RALYL: variants seen among roughly 807,000 people sequenced by gnomAD.
RALYL encodes the protein RALY RNA binding protein like, also known as RNA-binding Raly-like protein.
Under a neutral mutation model 35.1 loss-of-function variants are expected in RALYL, and 29 were observed. The observed-to-expected ratio is 0.83, with a 90% confidence interval of 0.61 to 1.13. The LOEUF is 1.13. Among genes scored for constraint, RALYL ranks in the 50% most tolerant of loss-of-function variants. RALYL has a pLI of 0.00. For missense variants in RALYL, 359 were observed against 360.4 expected, an observed-to-expected ratio of 1.00 and a Z score of 0.03; for synonymous variants, 120 against 127.6, an observed-to-expected ratio of 0.94 and a Z score of 0.40.
At chr8:84,230,423 A>T (rs1825058705) in intron 1 of RALYL, among the ~76,000 whole-genome samples, 1 of 152,282 alleles carries the variant, frequency 6.6e-6, no homozygotes, top group African/African-American at 2.4e-5. Context: ...AAATAACATG[A>T]TTAAACAGAA....
intron 1 of RALYL, among the ~76,000 whole-genome samples, chr8:84,353,122 CA>C (rs1376412678): frequency 4.0e-5 from 6 of 150,238 alleles, no homozygotes; most frequent in African/African-American, 1.5e-4. Context: ...ATCATATTAA[CA>C]TATACATACA....
intron 1 of RALYL, among the ~76,000 whole-genome samples, chr8:84,468,095 C>G (rs975796309): frequency 6.6e-6 from 1 of 151,384 alleles, no homozygotes; most frequent in Non-Finnish European, 1.5e-5. Flanking sequence ...GACTCTTTAT[C>G]CAATTTGCCA....
chr8:84,201,455 G>T (rs542040882), intron 1 of RALYL, among the ~76,000 whole-genome samples: 1 of 152,120 alleles, frequency 6.6e-6, no homozygotes, highest in Non-Finnish European at 1.5e-5. Context: ...GTGAGTATGA[G>T]TATGAGTGTG....
At chr8:84,649,909 A>G (rs1828357284) in intron 2 of RALYL, among the ~76,000 whole-genome samples, 1 of 152,120 alleles carries the variant, frequency 6.6e-6, no homozygotes, top group African/African-American at 2.4e-5. Flanking sequence ...CTTCCTACCC[A>G]TGAGCATGGA....
intron 3 of RALYL, among the ~76,000 whole-genome samples, chr8:84,804,035 G>C (rs1418518148): frequency 6.6e-6 from 1 of 152,086 alleles, no homozygotes; most frequent in Admixed American, 6.6e-5. Context: ...AGAAGTGGAT[G>C]CTTTCCTGAT....
chr8:84,684,521 A>T (rs765561588), intron 2 of RALYL, among the ~76,000 whole-genome samples: 1 of 152,178 alleles, frequency 6.6e-6, no homozygotes, highest in African/African-American at 2.4e-5. Context: ...GCATTTGAAG[A>T]TGAAGAGAAA....
At chr8:84,241,821 T>C (rs1403872768) in intron 1 of RALYL, among the ~76,000 whole-genome samples, 2 of 150,966 alleles carry the variant, frequency 1.3e-5, no homozygotes, top group Non-Finnish European at 3.0e-5. Flanking sequence ...GTCTTACAAA[T>C]ATTAGTAACC....
At chr8:84,234,355 G>A (rs950670593) in intron 1 of RALYL, among the ~76,000 whole-genome samples, 1 of 152,036 alleles carries the variant, frequency 6.6e-6, no homozygotes, top group Non-Finnish European at 1.5e-5. Context: ...CTTATTCTCT[G>A]TTATAAAATG....
At chr8:84,887,923 G>T in intron 8 of RALYL, 147 bp downstream of exon 8, 1 of 685,200 alleles carries the variant, frequency 1.5e-6, no homozygotes, top group Non-Finnish European at 2.4e-6. Context: ...ATAGTGCTTT[G>T]CACATAATAA....
At chr8:84,311,487 C>T (rs1842804284) in intron 1 of RALYL, among the ~76,000 whole-genome samples, 1 of 152,026 alleles carries the variant, frequency 6.6e-6, no homozygotes, top group South Asian at 2.1e-4. Flanking sequence ...AGAGAAGACT[C>T]ATTTTTTACT....
intron 1 of RALYL, among the ~76,000 whole-genome samples, chr8:84,256,394 T>C (rs1475744864): frequency 1.3e-5 from 2 of 152,166 alleles, no homozygotes; most frequent in Non-Finnish European, 2.9e-5. Flanking sequence ...TGTGTTCTTA[T>C]ATCGAATAGC....
At chr8:84,839,480 C>T (rs1326313805) in intron 4 of RALYL, among the ~76,000 whole-genome samples, 2 of 152,234 alleles carry the variant, frequency 1.3e-5, no homozygotes. Flanking sequence ...GAAGCTCGAA[C>T]TGGGTGGAGC....
intron 4 of RALYL, among the ~76,000 whole-genome samples, chr8:84,827,076 A>C (rs1233776205): frequency 1.3e-5 from 2 of 152,166 alleles, no homozygotes; most frequent in African/African-American, 2.4e-5. Context: ...AGAAATTAAA[A>C]ACCTTATAGC....
Position 84,714,927 on chromosome 8 carries a change from G to A in RALYL, c.257-59652G>A, listed in dbSNP as rs191298394. On this transcript the variant is annotated intron_variant, in intron 2 of 8. Transcript: ENST00000521268. ...TATCTAATTACATTAGGGAATATAT[G>A]CATTGTTGCTCTTTAGGATATATAA... Among the ~76,000 whole-genome samples the A allele has an allele frequency of 2.3e-3, 348 of 151,814 alleles. 2 individuals carry two copies. Among genetic ancestry groups the A allele is most frequent in the Non-Finnish European group, 3.9e-3 (265 of 67,758 alleles).
intron 1 of RALYL, among the ~76,000 whole-genome samples, chr8:84,248,209 C>T (rs2131636854): frequency 6.6e-6 from 1 of 152,238 alleles, no homozygotes; most frequent in South Asian, 2.1e-4. Flanking sequence ...ATCAGGCCAT[C>T]ATGAGATATC....
At chr8:84,553,014 A>G (rs1005851262) in intron 2 of RALYL, among the ~76,000 whole-genome samples, 2 of 152,208 alleles carry the variant, frequency 1.3e-5, no homozygotes, top group African/African-American at 4.8e-5. Flanking sequence ...GATGAGGGAT[A>G]AAAGGAAATC....
chr8:84,389,350 T>A (rs1035080626), intron 1 of RALYL, among the ~76,000 whole-genome samples: 1 of 152,058 alleles, frequency 6.6e-6, no homozygotes, highest in African/African-American at 2.4e-5. Context: ...CCACATGAAC[T>A]TTAAAGTAGT....
In RALYL at chr8:84,682,352, C is replaced by T. The variant is rs1279253519; in HGVS notation, c.257-92227C>T. On this transcript the variant is annotated intron_variant, in intron 2 of 8. Coordinates refer to ENST00000521268, the MANE Select transcript of RALYL (RefSeq NM_173848.7). ...TTTGGTATCAGGATGATGCTGGCCT[C>T]ATAAAATGAGTTAGGGAGGATTCCT... Among the ~76,000 whole-genome samples, 16 of 152,260 alleles carry T rather than the reference C, an allele frequency of 1.1e-4. 1 individual carries two copies. In the East Asian group the frequency reaches 3.1e-3, roughly 29 times the overall value.
At chr8:84,323,972 G>A (rs76727341) in intron 1 of RALYL, among the ~76,000 whole-genome samples, 4,117 of 152,010 alleles carry the variant, frequency 0.027, 102 homozygotes, top group Non-Finnish European at 0.031. Flanking sequence ...TTTTCTTTTT[G>A]AGTCTCTTGT....
Sources: gnomAD v4.1 joint callset for allele counts (sites outside exome capture counted in the v4.1 genomes callset) on GRCh38, gnomAD v4.1.1 for gene constraint, MANE v1.5 for transcripts, NCBI Gene and HGNC (gene_info 2026-07-23, HGNC 2026-07-21) for gene names.